The following DNAH14 variants were observed in gnomAD, a reference collection of about 807,000 sequenced individuals.
DNAH14 encodes axonemal beta dynein heavy chain 14.
A neutral mutation model predicts 520.9 loss-of-function variants in DNAH14; 478 were observed. The ratio of observed to expected loss-of-function variants is 0.92; its 90% CI spans 0.85 to 0.99. DNAH14 has a LOEUF of 0.99. DNAH14 is among the 50% of genes least tolerant of loss of function. The pLI is 0.00. For synonymous variants in DNAH14, 1,581 were observed against 1,757.2 expected (o/e 0.90, Z 2.51); for missense variants, 4,831 against 5,234.5 (o/e 0.92, Z 2.38).
At chr1:224,934,599 G>A (rs2058906289) in intron 1 of DNAH14, among the ~76,000 whole-genome samples, 1 of 151,672 alleles carries the variant, frequency 6.6e-6, no homozygotes, top group East Asian at 1.9e-4. Context: ...AGAGAGAAAG[G>A]ATTAGAAAAC....
At chr1:224,975,628 T>C (rs930046453) in intron 8 of DNAH14, among the ~76,000 whole-genome samples, 2 of 151,560 alleles carry the variant, frequency 1.3e-5, no homozygotes, top group Non-Finnish European at 2.9e-5. Context: ...TTCTTCTTTA[T>C]TAGTCTTGCT....
At chr1:225,388,720 A>C (rs2095869774) in intron 82 of DNAH14, among the ~76,000 whole-genome samples, 1 of 152,142 alleles carries the variant, frequency 6.6e-6, no homozygotes, top group South Asian at 2.1e-4. Context: ...AACATAGTAC[A>C]TTTCTCTTTC....
At position 225,351,701 on chromosome 1, in the gene DNAH14, G is replaced by A. The variant is rs952473373; in HGVS notation, c.11351G>A (p.Trp3784Ter). 2 of 1,550,528 alleles carry A rather than the reference G, an allele frequency of 1.3e-6. No individual in the cohort carries two copies. Among genetic ancestry groups the A allele is most frequent in the Non-Finnish European group, 1.7e-6 (2 of 1,146,274 alleles). Residue 3784 changes from tryptophan to a stop codon, truncating the protein, a stop_gained, in exon 72 of 86, where the codon TGG (tryptophan) becomes TAG (stop). Coordinates refer to ENST00000682510, the MANE Select transcript of DNAH14 (RefSeq NM_001367479.1). LOFTEE classifies it high-confidence loss of function. ...QHLQWLSDSR[W>*]RQCQYVSTHL... is the part of the protein sequence containing the mutation. ...CTTCAGTGGCTGTCAGATTCCAGGTGGAGGCAGTGCCAATATGTCAGCACT... is the reference window on the plus strand; with the variant it reads ...CTTCAGTGGCTGTCAGATTCCAGGTAGAGGCAGTGCCAATATGTCAGCACT...
intron 7 of DNAH14, among the ~76,000 whole-genome samples, chr1:224,972,568 C>A (rs183181274): frequency 1.6e-4 from 25 of 151,948 alleles, no homozygotes; most frequent in African/African-American, 5.6e-4. Flanking sequence ...CGGGTTCACA[C>A]GATTCTCCTG....
chr1:225,387,252 G>A (rs944910095), intron 81 of DNAH14, among the ~76,000 whole-genome samples: 1 of 152,010 alleles, frequency 6.6e-6, no homozygotes, highest in Non-Finnish European at 1.5e-5. Context: ...GGGGGGGAGG[G>A]GGAGGGATAG....
At chr1:225,214,438 G>C (rs1339894150) in intron 41 of DNAH14, among the ~76,000 whole-genome samples, 1 of 152,168 alleles carries the variant, frequency 6.6e-6, no homozygotes, top group Non-Finnish European at 1.5e-5. Context: ...GAATTAGGGA[G>C]GATTCCCTCT....
intron 64 of DNAH14, among the ~76,000 whole-genome samples, chr1:225,330,742 T>TAG (rs1431055304): frequency 1.3e-5 from 2 of 152,144 alleles, no homozygotes; most frequent in Admixed American, 1.3e-4. Flanking sequence ...TAGTACGTGA[T>TAG]AGCACAACAG....
intron 1 of DNAH14, among the ~76,000 whole-genome samples, chr1:224,942,992 T>A (rs1035481857): frequency 6.6e-6 from 1 of 152,178 alleles, no homozygotes; most frequent in African/African-American, 2.4e-5. Context: ...CTGCCAGGCT[T>A]TGGTATCAGG....
rs770917109 is a variant in DNAH14 at position 225,303,138 on chromosome 1, ATT to A, written c.8632-15_8632-14del. On this transcript the variant is annotated splice_polypyrimidine_tract_variant and intron_variant, in intron 56 of 85. Coordinates refer to ENST00000682510, the MANE Select transcript of DNAH14 (RefSeq NM_001367479.1). The stretch of plus-strand genomic sequence containing the variant: ...AGTGGATTACATTTTAACAATTTAT[ATT>A]TTCATTAATTTTCAGAGAATATATA... The A allele has an allele frequency of 5.2e-5, 74 of 1,410,690 alleles. 1 individual carries two copies. The Admixed American group carries it at 1.2e-3, about 22-fold the overall frequency. 87.4% of individuals were successfully genotyped at this position (1,410,690 alleles called of 1,614,324 possible).
At chr1:225,358,695 CT>C in intron 74 of DNAH14, 43 bp downstream of exon 74, 1 of 1,522,428 alleles carries the variant, frequency 6.6e-7, no homozygotes, top group Non-Finnish European at 8.8e-7. Context: ...TATGGTTTGG[CT>C]CTGTGTCCCC....
chr1:225,331,190 G>A (rs1293381689), intron 64 of DNAH14, among the ~76,000 whole-genome samples: 1 of 150,498 alleles, frequency 6.6e-6, no homozygotes, highest in Non-Finnish European at 1.5e-5. Context: ...ATCTACAAAC[G>A]CTAGGATTGT....
At position 225,335,395 on chromosome 1, in the gene DNAH14, ATG is replaced by A. The variant is rs1419277462; in HGVS notation, c.10081-1867_10081-1866del. Among the ~76,000 whole-genome samples, 10 of 66,770 alleles carry A rather than the reference ATG, an allele frequency of 1.5e-4. 2 individuals carry two copies. Among genetic ancestry groups the A allele is most frequent in the Admixed American group, 6.1e-4 (4 of 6,540 alleles). 43.8% of individuals were successfully genotyped at this position (66,770 alleles called of 152,430 possible). On this transcript the variant is annotated intron_variant, in intron 66 of 85. Transcript: ENST00000682510. ...TGTGTGTGTATATGCACATATACAC[ATG>A]TGTACATGTGTGTGTATGCACATAT...
chr1:225,122,529 T>G (rs2077383145), intron 26 of DNAH14, among the ~76,000 whole-genome samples: 1 of 152,180 alleles, frequency 6.6e-6, no homozygotes, highest in African/African-American at 2.4e-5. Flanking sequence ...TTAAAAGATT[T>G]TGTCAAAAGA....
At chr1:225,269,278 G>A (rs1021798101) in intron 49 of DNAH14, among the ~76,000 whole-genome samples, 5 of 152,090 alleles carry the variant, frequency 3.3e-5, no homozygotes, top group African/African-American at 1.2e-4. Flanking sequence ...CTAGCCATAT[G>A]TAGAAAGCTG....
At chr1:224,986,318 T>TAAAAAA (rs59261709) in intron 8 of DNAH14, among the ~76,000 whole-genome samples, 2 of 87,876 alleles carry the variant, frequency 2.3e-5, no homozygotes, top group Non-Finnish European at 5.4e-5. Flanking sequence ...AAAGGCTTAT[T>TAAAAAA]AAAAAAAAAA....
At chr1:225,118,781 G>T (rs1355514511) in intron 25 of DNAH14, among the ~76,000 whole-genome samples, 2 of 151,628 alleles carry the variant, frequency 1.3e-5, no homozygotes. Flanking sequence ...TACTTGGGGG[G>T]CTGGGACAGG....
intron 71 of DNAH14, among the ~76,000 whole-genome samples, chr1:225,348,802 G>T (rs1441348275): frequency 6.6e-6 from 1 of 152,128 alleles, no homozygotes; most frequent in Non-Finnish European, 1.5e-5. Flanking sequence ...TTCAGAAAAG[G>T]TAAATATGTG....
chr1:225,370,145 T>C (rs917519889), intron 77 of DNAH14, among the ~76,000 whole-genome samples: 1 of 151,996 alleles, frequency 6.6e-6, no homozygotes, highest in African/African-American at 2.4e-5. Context: ...AAAATTAGCC[T>C]GGCGTGGTGG....
At chr1:225,345,672 A>C (rs1296766347) in intron 69 of DNAH14, among the ~76,000 whole-genome samples, 2 of 152,164 alleles carry the variant, frequency 1.3e-5, no homozygotes, top group African/African-American at 4.8e-5. Flanking sequence ...ATTCCTTATC[A>C]TGGAATGGTT....
Sources: allele counts gnomAD v4.1 joint callset (sites outside exome capture counted in the v4.1 genomes callset), GRCh38; gene constraint gnomAD v4.1.1; transcripts MANE v1.5; gene names NCBI Gene and HGNC (gene_info 2026-07-23, HGNC 2026-07-21).